Variants in FGD4 observed in about 807,000 individuals in gnomAD.
The protein encoded by FGD4 is FYVE, RhoGEF and PH domain-containing protein 4.
Under a neutral mutation model 102.0 loss-of-function variants are expected in FGD4, and 42 were observed. The ratio of observed to expected loss-of-function variants is 0.41; its 90% CI spans 0.32 to 0.53. The LOEUF (loss-of-function observed/expected upper bound fraction) is 0.53, where lower values mean the gene tolerates loss of function less well. FGD4 is among the 20% of genes least tolerant of loss of function. The pLI is 0.21. For missense variants in FGD4, 902 were observed against 1,078.2 expected, an observed-to-expected ratio of 0.84 and a Z score of 2.29; for synonymous variants, 380 against 375.7, an observed-to-expected ratio of 1.01 and a Z score of -0.13.
At chr12:32,623,722 G>A (rs1949986536) in intron 11 of FGD4, among the ~76,000 whole-genome samples, 1 of 152,184 alleles carries the variant, frequency 6.6e-6, no homozygotes, top group Admixed American at 6.5e-5. Flanking sequence ...ACAGAAGCCA[G>A]CAACGTAACC....
intron 14 of FGD4, among the ~76,000 whole-genome samples, chr12:32,631,192 T>C (rs1950481390): frequency 6.6e-6 from 1 of 152,294 alleles, no homozygotes; most frequent in African/African-American, 2.4e-5. Flanking sequence ...GATCATGATT[T>C]GGTCAGCCAT....
intron 1 of FGD4, among the ~76,000 whole-genome samples, chr12:32,551,312 T>C (rs1592188067): frequency 6.6e-6 from 1 of 152,216 alleles, no homozygotes; most frequent in Non-Finnish European, 1.5e-5. Flanking sequence ...TGCAGCATTA[T>C]TACATAAGTG....
At chr12:32,457,280 G>A (rs1942974602) in intron 1 of FGD4, among the ~76,000 whole-genome samples, 1 of 151,728 alleles carries the variant, frequency 6.6e-6, no homozygotes, top group Admixed American at 6.6e-5. Context: ...ATACATATGT[G>A]AGACATTTTA....
chr12:32,587,051 C>T (rs543932631), intron 4 of FGD4, among the ~76,000 whole-genome samples: 19 of 151,882 alleles, frequency 1.3e-4, no homozygotes, highest in South Asian at 2.1e-4. Context: ...ATTAGCTGGG[C>T]GCAGTAGCAA....
At chr12:32,537,918 GA>G in intron 1 of FGD4, among the ~76,000 whole-genome samples, 1 of 152,198 alleles carries the variant, frequency 6.6e-6, no homozygotes, top group East Asian at 1.9e-4. Flanking sequence ...TTTGTTTTGA[GA>G]CAGAGTCTTT....
At chr12:32,529,841 T>TA (rs78510499) in intron 1 of FGD4, among the ~76,000 whole-genome samples, 1,152 of 109,786 alleles carry the variant, frequency 0.01, 18 homozygotes, top group East Asian at 0.048. Context: ...AGACTCTGTC[T>TA]AAAAAAAAAA....
At chr12:32,616,136 T>C (rs546964303) in intron 10 of FGD4, among the ~76,000 whole-genome samples, 1 of 152,344 alleles carries the variant, frequency 6.6e-6, no homozygotes, top group African/African-American at 2.4e-5. Flanking sequence ...TAGGATCATT[T>C]TCCTTTCTCC....
intron 1 of FGD4, among the ~76,000 whole-genome samples, chr12:32,500,519 C>T (rs577588844): frequency 6.6e-5 from 10 of 151,902 alleles, no homozygotes; most frequent in East Asian, 1.9e-4. Context: ...TTGCAACCTC[C>T]GCCTCCCAGG....
intron 1 of FGD4, among the ~76,000 whole-genome samples, chr12:32,559,664 G>C (rs1238248616): frequency 6.6e-6 from 1 of 152,194 alleles, no homozygotes; most frequent in Non-Finnish European, 1.5e-5. Context: ...ACATTCGTGG[G>C]AGATATTCTC....
intron 1 of FGD4, among the ~76,000 whole-genome samples, chr12:32,561,794 C>T (rs1025527980): frequency 6.6e-6 from 1 of 152,182 alleles, no homozygotes. Context: ...AGAAAGTGAA[C>T]AAACATTTAA....
chr12:32,414,013 C>A, intron 1 of FGD4, among the ~76,000 whole-genome samples: 1 of 147,342 alleles, frequency 6.8e-6, no homozygotes, highest in South Asian at 2.1e-4. Context: ...TGTTCTGTCA[C>A]CAGGCTGGAG....
At chr12:32,585,834 C>CAA (rs58688697) in intron 4 of FGD4, among the ~76,000 whole-genome samples, 3,229 of 68,692 alleles carry the variant, frequency 0.047, 435 homozygotes, top group African/African-American at 0.17. Flanking sequence ...GACCTTGTCT[C>CAA]AAAAAAAAAA....
At position 32,641,445 on chromosome 12, in the gene FGD4, G is replaced by T. The variant is rs2137101893; in HGVS notation, c.*912G>T. Reference sequence around the variant, plus strand: ...CTCTTAGAAGGTGCTATTAATATAAGATGAGGGTTCAGTTAATGCTTCAGT... The same window carrying T: ...CTCTTAGAAGGTGCTATTAATATAATATGAGGGTTCAGTTAATGCTTCAGT... On this transcript the variant is annotated 3_prime_UTR_variant, in exon 17 of 17. Coordinates refer to ENST00000534526, the MANE Select transcript of FGD4 (RefSeq NM_001370298.3). The T allele has an allele frequency of 6.6e-6, 1 of 152,254 alleles. No individual in the cohort carries two copies. Among genetic ancestry groups the T allele is most frequent in the African/African-American group, 2.4e-5 (1 of 41,560 alleles). The allele number at this position is 152,254 out of a possible 1,614,324, so 9.4% of individuals were successfully genotyped here.
intron 11 of FGD4, among the ~76,000 whole-genome samples, chr12:32,621,093 A>C (rs1217200793): frequency 1.3e-5 from 2 of 151,950 alleles, no homozygotes; most frequent in Non-Finnish European, 2.9e-5. Flanking sequence ...CAGTCATCCA[A>C]GCTGGGCTTG....
Position 32,582,355 on chromosome 12 carries a change from C to G in FGD4, c.899C>G (p.Pro300Arg). The change falls in exon 4 of 17, where the codon CCA becomes CGA. Residue 300 changes from proline (P) to arginine (R), a missense_variant. This residue lies in a region of FGD4 where 443 missense variants were observed against 459.2 expected (regional missense o/e 0.96). Transcript: ENST00000534526. ...DSSYRTPGIG[P>R]VLPLEERGAE... Reference sequence around the variant, plus strand: ...AGCTACAGGACTCCAGGCATAGGCCCAGTGCTCCCCCTAGAAGAAAGAGGG... The same window carrying G: ...AGCTACAGGACTCCAGGCATAGGCCGAGTGCTCCCCCTAGAAGAAAGAGGG... The G allele has an allele frequency of 2.5e-6, 4 of 1,614,116 alleles. No homozygotes were observed. Among genetic ancestry groups the G allele is most frequent in the Non-Finnish European group, 3.4e-6 (4 of 1,180,008 alleles).
chr12:32,473,694 A>G (rs2136526459), intron 1 of FGD4, among the ~76,000 whole-genome samples: 1 of 152,324 alleles, frequency 6.6e-6, no homozygotes, highest in South Asian at 2.1e-4. Flanking sequence ...ATGAATTAAA[A>G]GCACACGTTA....
chr12:32,551,883 C>T (rs1446029697), intron 1 of FGD4, among the ~76,000 whole-genome samples: 1 of 152,136 alleles, frequency 6.6e-6, no homozygotes, highest in Non-Finnish European at 1.5e-5. Flanking sequence ...TTTAAAAATT[C>T]GGCATTTATC....
intron 1 of FGD4, among the ~76,000 whole-genome samples, chr12:32,456,281 C>A (rs1942947317): frequency 6.6e-6 from 1 of 152,038 alleles, no homozygotes; most frequent in Admixed American, 6.6e-5. Context: ...TTAGAATGTA[C>A]CCATGTGACT....
intron 1 of FGD4, among the ~76,000 whole-genome samples, chr12:32,510,233 A>G (rs1939218271): frequency 6.6e-6 from 1 of 152,240 alleles, no homozygotes; most frequent in African/African-American, 2.4e-5. Flanking sequence ...GTAACGTTCA[A>G]CAATAGGAAA....
Sources: gnomAD v4.1 joint callset for allele counts (sites outside exome capture counted in the v4.1 genomes callset) on GRCh38, gnomAD v4.1.1 for gene constraint, gnomAD v4.1.1 regional missense constraint, MANE v1.5 for transcripts, NCBI Gene and HGNC (gene_info 2026-07-23, HGNC 2026-07-21) for gene names.